Variants in PTPRZ1 observed in about 807,000 individuals in gnomAD.
PTPRZ1 encodes protein tyrosine phosphatase receptor type Z1.
Under a neutral mutation model 214.1 loss-of-function variants are expected in PTPRZ1, and 82 were observed. The observed-to-expected ratio is 0.38, with a 90% CI of 0.32 to 0.46. The LOEUF (loss-of-function observed/expected upper bound fraction) is 0.46. Among genes scored for constraint, PTPRZ1 ranks in the 20% least tolerant of loss-of-function variants. PTPRZ1 has a pLI of 1.00. For synonymous variants in PTPRZ1, 945 were observed against 987.9 expected, an observed-to-expected ratio of 0.96 and a Z score of 0.81; for missense variants, 2,603 against 2,748.7, an observed-to-expected ratio of 0.95 and a Z score of 1.19.
intron 8 of PTPRZ1, among the ~76,000 whole-genome samples, chr7:121,986,174 G>A (rs1797758282): frequency 6.6e-6 from 1 of 152,158 alleles, no homozygotes; most frequent in Admixed American, 6.5e-5. Context: ...GACTCTACCA[G>A]GCATTGGAAC....
chr7:122,020,392 G>A (rs1371603434), intron 13 of PTPRZ1, among the ~76,000 whole-genome samples: 2 of 152,174 alleles, frequency 1.3e-5, no homozygotes, highest in Non-Finnish European at 2.9e-5. Context: ...AGTAGTCAGA[G>A]AACAAAGAAG....
At chr7:121,933,241 A>G (rs2116391661) in intron 2 of PTPRZ1, among the ~76,000 whole-genome samples, 1 of 152,054 alleles carries the variant, frequency 6.6e-6, no homozygotes, top group African/African-American at 2.4e-5. Flanking sequence ...GAGATGTTAA[A>G]AATCTTCTTT....
chr7:122,026,188 G>A (rs1386828703), intron 13 of PTPRZ1, among the ~76,000 whole-genome samples: 1 of 152,128 alleles, frequency 6.6e-6, no homozygotes. Flanking sequence ...GGATTCAAAA[G>A]GAGTGATCTC....
intron 23 of PTPRZ1, among the ~76,000 whole-genome samples, chr7:122,046,789 A>G (rs1792000275): frequency 6.6e-6 from 1 of 152,136 alleles, no homozygotes. Context: ...AAACATGTAT[A>G]TTTGGCAGTT....
At chr7:122,033,422 A>G (rs1263061207) in intron 15 of PTPRZ1, among the ~76,000 whole-genome samples, 1 of 151,698 alleles carries the variant, frequency 6.6e-6, no homozygotes, top group Non-Finnish European at 1.5e-5. Context: ...AATTCTAAAC[A>G]GATAGAAAAT....
At chr7:121,973,060 T>G (rs914898766) in intron 4 of PTPRZ1, among the ~76,000 whole-genome samples, 3 of 152,058 alleles carry the variant, frequency 2.0e-5, no homozygotes, top group Non-Finnish European at 4.4e-5. Context: ...AAAAAATGAG[T>G]GTGTAGTGAA....
intron 13 of PTPRZ1, among the ~76,000 whole-genome samples, chr7:122,019,490 T>G (rs1404800766): frequency 1.3e-5 from 2 of 152,348 alleles, no homozygotes; most frequent in East Asian, 3.9e-4. Context: ...TACCCGTTAC[T>G]ATTTAACACA....
chr7:122,003,804 G>T lies in PTPRZ1; in HGVS notation c.1241-810G>T, dbSNP rs920953680. On this transcript the variant is annotated intron_variant, in intron 10 of 29. Transcript: ENST00000393386. ...GGCCGCTCAGTAACGTGGTAGAGTG[G>T]CTAGATTCCTTCTTAGGAGAGAAAG... 4.6e-5 allele frequency among the ~76,000 whole-genome samples: 7 copies of T among 152,294 alleles called. No individual in the cohort carries two copies. The South Asian group carries it at 1.5e-3, about 32-fold the overall frequency.
At chr7:122,044,112 G>T (rs1454737135) in intron 22 of PTPRZ1, among the ~76,000 whole-genome samples, 2 of 152,160 alleles carry the variant, frequency 1.3e-5, no homozygotes, top group African/African-American at 2.4e-5. Flanking sequence ...AAGTATAGAG[G>T]TGTCAAGTTT....
chr7:122,033,678 AC>A (rs1002389183), intron 15 of PTPRZ1, among the ~76,000 whole-genome samples: 1 of 151,850 alleles, frequency 6.6e-6, no homozygotes, highest in African/African-American at 2.4e-5. Context: ...TTTTAAAGTA[AC>A]CCCCCAAAAA....
chr7:121,928,265 T>C (rs989690778), intron 2 of PTPRZ1, 44 bp downstream of exon 2: 6 of 1,408,632 alleles, frequency 4.3e-6, no homozygotes, highest in Admixed American at 1.9e-5. Context: ...GAAACTTTTA[T>C]TGTTTTGTAT....
At chr7:121,913,990 T>A (rs917885973) in intron 1 of PTPRZ1, among the ~76,000 whole-genome samples, 6 of 152,206 alleles carry the variant, frequency 3.9e-5, no homozygotes, top group Non-Finnish European at 5.9e-5. Flanking sequence ...CTTATCCTTT[T>A]TATCTCTGTG....
chr7:121,903,545 A>T (rs1248098014), intron 1 of PTPRZ1, among the ~76,000 whole-genome samples: 1 of 152,246 alleles, frequency 6.6e-6, no homozygotes, highest in African/African-American at 2.4e-5. Context: ...ATTAAGGCAC[A>T]TCAAATCAAT....
At chr7:121,960,341 T>C (rs2116485527) in intron 2 of PTPRZ1, among the ~76,000 whole-genome samples, 1 of 152,300 alleles carries the variant, frequency 6.6e-6, no homozygotes, top group East Asian at 1.9e-4. Flanking sequence ...CACGCCTAGC[T>C]GAGACACAAA....
intron 23 of PTPRZ1, 70 bp from the exon 24 acceptor site, chr7:122,051,358 T>C: frequency 1.0e-6 from 1 of 1,004,956 alleles, no homozygotes; most frequent in Non-Finnish European, 1.6e-6. Flanking sequence ...TGTCTGTATG[T>C]ATGTGTGTGT....
intron 1 of PTPRZ1, among the ~76,000 whole-genome samples, chr7:121,874,305 G>A (rs1204484284): frequency 1.3e-5 from 2 of 152,182 alleles, no homozygotes; most frequent in Non-Finnish European, 2.9e-5. Context: ...ATTGCATTCA[G>A]CAATAGCCAG....
At position 122,012,887 on chromosome 7, in the gene PTPRZ1, C is replaced by A. The variant is rs141873289; in HGVS notation, c.3841C>A (p.Gln1281Lys). 2.4e-4 allele frequency: 383 copies of A among 1,614,096 alleles called. No individual in the cohort carries two copies. The African/African-American group carries it at 4.2e-3, about 18-fold the overall frequency. Residue 1281 changes from glutamine (Q) to lysine (K), a missense_variant, in exon 12 of 30, where the codon CAA becomes AAA. Coordinates refer to ENST00000393386, the MANE Select transcript of PTPRZ1 (RefSeq NM_002851.3). ...PVLLKSESSH[Q>K]VVPSLYSNDE... Reference sequence around the variant, plus strand: ...TTTGTTAAAAAGTGAAAGTTCCCACCAAGTGGTACCTTCTTTGTACAGTAA... The same window carrying A: ...TTTGTTAAAAAGTGAAAGTTCCCACAAAGTGGTACCTTCTTTGTACAGTAA...
At chr7:121,982,623 G>A (rs1797645105) in intron 6 of PTPRZ1, among the ~76,000 whole-genome samples, 1 of 152,106 alleles carries the variant, frequency 6.6e-6, no homozygotes, top group African/African-American at 2.4e-5. Flanking sequence ...ATTTGATAAT[G>A]TTTTCCTATT....
At chr7:122,027,275 G>C (rs140049719) in intron 13 of PTPRZ1, among the ~76,000 whole-genome samples, 1 of 152,130 alleles carries the variant, frequency 6.6e-6, no homozygotes. Context: ...GACCAGTGTG[G>C]GCTGGATCCT....
Sources: allele counts gnomAD v4.1 joint callset (sites outside exome capture counted in the v4.1 genomes callset), GRCh38; gene constraint gnomAD v4.1.1; transcripts MANE v1.5; gene names NCBI Gene and HGNC (gene_info 2026-07-23, HGNC 2026-07-21).